Variants in DLGAP1 observed in about 807,000 individuals in gnomAD.
DLGAP1 encodes the protein DLG associated protein 1.
Under a neutral mutation model 90.8 loss-of-function variants are expected in DLGAP1, and 11 were observed. That is an observed-to-expected ratio of 0.12 (90% CI 0.08 to 0.20). DLGAP1 has a LOEUF of 0.20. Ranked by LOEUF, DLGAP1 falls within the 10% of genes least tolerant of loss-of-function variation. The pLI is 1.00. For missense variants in DLGAP1, 1,050 were observed against 1,333.8 expected (o/e 0.79, Z 3.31); for synonymous variants, 558 against 540.7 (o/e 1.03, Z -0.44).
chr18:4,299,158 T>G (rs1410866442), intron 1 of DLGAP1, among the ~76,000 whole-genome samples: 2 of 151,874 alleles, frequency 1.3e-5, no homozygotes, highest in Non-Finnish European at 2.9e-5. Flanking sequence ...AATCCGAAGT[T>G]CTGGGGTGGA....
intron 3 of DLGAP1, among the ~76,000 whole-genome samples, chr18:3,958,972 C>T (rs1047072430): frequency 6.6e-6 from 1 of 152,152 alleles, no homozygotes; most frequent in African/African-American, 2.4e-5. Context: ...AAGCATGAAA[C>T]CAAAAAAGCA....
At chr18:4,215,044 T>G (rs2077924136) in intron 1 of DLGAP1, among the ~76,000 whole-genome samples, 1 of 152,208 alleles carries the variant, frequency 6.6e-6, no homozygotes, top group Non-Finnish European at 1.5e-5. Flanking sequence ...TTTATTTTAC[T>G]GTAGTATCAA....
chr18:3,713,833 G>A (rs1460722238), intron 7 of DLGAP1, among the ~76,000 whole-genome samples: 1 of 152,140 alleles, frequency 6.6e-6, no homozygotes, highest in African/African-American at 2.4e-5. Flanking sequence ...GCTGTGCAGA[G>A]TACTCACATT....
intron 7 of DLGAP1, among the ~76,000 whole-genome samples, chr18:3,673,977 GGA>G (rs952992854): frequency 1.3e-5 from 2 of 151,692 alleles, no homozygotes; most frequent in African/African-American, 2.4e-5. Context: ...CGAGTAGCTG[GGA>G]TTACAGGCAC....
chr18:4,091,663 A>G (rs886110432), intron 2 of DLGAP1, among the ~76,000 whole-genome samples: 7 of 152,188 alleles, frequency 4.6e-5, no homozygotes, highest in African/African-American at 1.7e-4. Context: ...TAAGCCCATC[A>G]AGGACACTGT....
At chr18:4,186,487 T>G (rs540329391) in intron 1 of DLGAP1, among the ~76,000 whole-genome samples, 9 of 152,354 alleles carry the variant, frequency 5.9e-5, no homozygotes, top group Admixed American at 5.9e-4. Flanking sequence ...TTCAATCTTC[T>G]GCATATGGCT....
chr18:3,687,029 T>C (rs553421833), intron 7 of DLGAP1, among the ~76,000 whole-genome samples: 11 of 152,186 alleles, frequency 7.2e-5, no homozygotes, highest in African/African-American at 2.6e-4. Flanking sequence ...GCTTTGAAGA[T>C]GGAAGGGGCC....
intron 4 of DLGAP1, among the ~76,000 whole-genome samples, chr18:3,871,286 T>G (rs551284642): frequency 6.6e-6 from 1 of 152,146 alleles, no homozygotes; most frequent in African/African-American, 2.4e-5. Flanking sequence ...GAAAAATAGA[T>G]AGGAAGATAC....
chr18:3,763,841 TAGTAC>T lies in DLGAP1; in HGVS notation c.1173-21334_1173-21330del, dbSNP rs559510667. ...CATGCCTGGCTAATTTTTTTATATT[TAGTAC>T]AGATGGGGTTTCACCACGTTAGTCA... On this transcript the variant is annotated intron_variant, in intron 5 of 12. Coordinates refer to ENST00000315677, the MANE Select transcript of DLGAP1 (RefSeq NM_004746.4). Among the ~76,000 whole-genome samples the T allele has an allele frequency of 3.3e-3, 497 of 152,212 alleles. 3 individuals carry two copies. The highest frequency in any genetic ancestry group is 0.011 in the African/African-American group (446 of 41,536).
chr18:4,374,516 T>C (rs1030674176), intron 1 of DLGAP1, among the ~76,000 whole-genome samples: 2 of 152,226 alleles, frequency 1.3e-5, no homozygotes, highest in African/African-American at 4.8e-5. Context: ...GGATTATGGC[T>C]ATACAAGAGA....
At chr18:4,242,464 T>G (rs1413438747) in intron 1 of DLGAP1, among the ~76,000 whole-genome samples, 4 of 152,144 alleles carry the variant, frequency 2.6e-5, no homozygotes, top group Non-Finnish European at 5.9e-5. Context: ...TAAGGAGGAT[T>G]TGGGGTAAAT....
intron 2 of DLGAP1, among the ~76,000 whole-genome samples, chr18:4,048,136 C>T (rs2075082810): frequency 6.6e-6 from 1 of 152,112 alleles, no homozygotes; most frequent in South Asian, 2.1e-4. Context: ...GACTGTTGTT[C>T]ATCTCGACTA....
chr18:3,995,322 G>C (rs1352561190), intron 3 of DLGAP1: 2 of 152,072 alleles, frequency 1.3e-5, no homozygotes, highest in African/African-American at 4.8e-5. Context: ...TAGAAGGAAT[G>C]GTGGATACAA....
rs1317505966 is a variant in DLGAP1, at chr18:3,879,951, G to A, written c.118C>T (p.His40Tyr). The change falls in exon 4 of 13, where the codon CAC (histidine) becomes TAC (tyrosine). Residue 40 changes from histidine to tyrosine, a missense_variant. This residue lies in a region of DLGAP1 where 485 missense variants were observed against 454.1 expected (regional missense o/e 1.07). Coordinates refer to ENST00000315677, the MANE Select transcript of DLGAP1 (RefSeq NM_004746.4). The surrounding 1 kb of genome is among the most constrained non-coding windows in gnomAD (Gnocchi z 6.6). The part of the protein sequence containing the change: ...KPYLLSPVEH[H>Y]PADHPYYTQR... ...GTGTAGTATGGGTGGTCTGCGGGGTGGTGCTCCACTGGGCTCAGCAGGTAG... is the reference window on the plus strand; with the variant it reads ...GTGTAGTATGGGTGGTCTGCGGGGTAGTGCTCCACTGGGCTCAGCAGGTAG... 1 of 1,611,860 alleles carries A rather than the reference G, an allele frequency of 6.2e-7. No individual in the cohort carries two copies. The highest frequency in any genetic ancestry group is 1.3e-5 in the African/African-American group (1 of 74,620).
intron 2 of DLGAP1, among the ~76,000 whole-genome samples, chr18:4,049,265 AC>A (rs1199171244): frequency 4.6e-5 from 7 of 151,402 alleles, no homozygotes; most frequent in Non-Finnish European, 7.4e-5. Context: ...TGGTCGTAGA[AC>A]TTCCCGCCAC....
At chr18:4,149,722 G>T (rs1234105658) in intron 2 of DLGAP1, among the ~76,000 whole-genome samples, 1 of 152,208 alleles carries the variant, frequency 6.6e-6, no homozygotes, top group Non-Finnish European at 1.5e-5. Context: ...AGGAATCTAG[G>T]TATGTGCTCC....
At chr18:3,520,140 T>C (rs1032747016) in intron 10 of DLGAP1, among the ~76,000 whole-genome samples, 1 of 152,084 alleles carries the variant, frequency 6.6e-6, no homozygotes, top group African/African-American at 2.4e-5. Flanking sequence ...TTAATACTCT[T>C]CCCCCACCAA....
At chr18:4,443,023 C>G (rs769104196) in intron 1 of DLGAP1, among the ~76,000 whole-genome samples, 2 of 152,064 alleles carry the variant, frequency 1.3e-5, no homozygotes, top group Non-Finnish European at 2.9e-5. Flanking sequence ...TGGCCATTCT[C>G]CAATAGCGGA....
At chr18:3,524,978 T>C (rs986252550) in intron 10 of DLGAP1, among the ~76,000 whole-genome samples, 2 of 152,190 alleles carry the variant, frequency 1.3e-5, no homozygotes, top group Non-Finnish European at 2.9e-5. Context: ...ACAGTGCTTT[T>C]TTTGTTTTGT....
Sources: gnomAD v4.1 joint callset for allele counts (sites outside exome capture counted in the v4.1 genomes callset) on GRCh38, gnomAD v4.1.1 for gene constraint, gnomAD v4.1.1 regional missense constraint, Gnocchi (gnomAD v3.1) non-coding constraint, MANE v1.5 for transcripts, NCBI Gene and HGNC (gene_info 2026-07-23, HGNC 2026-07-21) for gene names.